BICD2: variants seen among roughly 807,000 people sequenced by gnomAD.
BICD2 encodes BICD cargo adaptor 2.
A neutral mutation model predicts 72.9 loss-of-function variants in BICD2; 25 were observed. That is an observed-to-expected ratio of 0.34 (90% CI 0.25 to 0.48). The LOEUF (loss-of-function observed/expected upper bound fraction) is 0.48, where lower values mean the gene tolerates loss of function less well. BICD2 is among the 20% of genes least tolerant of loss of function. The pLI, the probability that BICD2 is intolerant of heterozygous loss-of-function variation, is 0.99. For synonymous variants in BICD2, 501 were observed against 516.1 expected, an observed-to-expected ratio of 0.97 and a Z score of 0.40; for missense variants, 894 against 1,175.2, an observed-to-expected ratio of 0.76 and a Z score of 3.50.
At chr9:92,735,155 A>C (rs1258523426) in intron 1 of BICD2, among the ~76,000 whole-genome samples, 5 of 152,198 alleles carry the variant, frequency 3.3e-5, no homozygotes, top group Admixed American at 2.6e-4. Context: ...ACCACCAGCC[A>C]GGCGCCTTGG....
chr9:92,762,181 C>T (rs150027412), intron 1 of BICD2, among the ~76,000 whole-genome samples: 31 of 152,056 alleles, frequency 2.0e-4, no homozygotes, highest in African/African-American at 7.2e-4. Context: ...GGCGGTACAC[C>T]GCTCTACAGG....
intron 1 of BICD2, among the ~76,000 whole-genome samples, chr9:92,740,464 TAAAC>T (rs1853877762): frequency 6.7e-6 from 1 of 149,534 alleles, no homozygotes; most frequent in African/African-American, 2.5e-5. Flanking sequence ...GGAAATCAAA[TAAAC>T]AAAAAATAGA....
rs1853492280 is a variant in BICD2, at chr9:92,722,837, G to C, written c.454-29C>G. 3 of 1,613,482 alleles carry C rather than the reference G, an allele frequency of 1.9e-6. No individual in the cohort carries two copies. In the African/African-American group the frequency reaches 4.0e-5, roughly 22 times the overall value. ...TTGGGGGAGAGGGAAAGGCAGGTAT[G>C]AGCAGCCTCCACAGGGCACGAGAGG... On this transcript the variant is annotated intron_variant, in intron 2 of 6. Transcript: ENST00000356884.
chr9:92,744,842 GA>G (rs375149105), intron 1 of BICD2, among the ~76,000 whole-genome samples: 25 of 142,640 alleles, frequency 1.8e-4, no homozygotes, highest in African/African-American at 5.4e-4. Flanking sequence ...CTCCGTCTCA[GA>G]AAAAAAAAAG....
chr9:92,719,560 AGGCCCGCCTTTT>A lies in BICD2; in HGVS notation c.1073_1084del (p.Glu358_Leu362delinsVal). On this transcript the variant is annotated inframe_deletion, in exon 5 of 7. Coordinates refer to ENST00000356884, the MANE Select transcript of BICD2 (RefSeq NM_001003800.2). ...CTGTGTGTCCTGCAGCGTTGCCAGC[AGGCCCGCCTTTT>A]CCCGCTCCATCTGCAAAGGCACAGG... 6.2e-7 allele frequency: 1 copy of A among 1,603,940 alleles called. No homozygotes were observed. The highest frequency in any genetic ancestry group is 8.5e-7 in the Non-Finnish European group (1 of 1,176,944).
At chr9:92,749,776 C>T (rs1290355588) in intron 1 of BICD2, among the ~76,000 whole-genome samples, 1 of 152,254 alleles carries the variant, frequency 6.6e-6, no homozygotes, top group East Asian at 1.9e-4. Flanking sequence ...GAAGCCAGTC[C>T]TGGGGCCTGG....
chr9:92,739,509 C>G (rs1853856334), intron 1 of BICD2, among the ~76,000 whole-genome samples: 2 of 152,224 alleles, frequency 1.3e-5, no homozygotes, highest in Admixed American at 1.3e-4. Flanking sequence ...CAACACTTTA[C>G]TGTTTTGAAG....
chr9:92,743,463 G>A (rs1217268598), intron 1 of BICD2, among the ~76,000 whole-genome samples: 1 of 151,396 alleles, frequency 6.6e-6, no homozygotes, highest in African/African-American at 2.4e-5. Context: ...CAAAAGTGCT[G>A]GGATTATACG....
At chr9:92,763,004 T>G (rs1854402286) in intron 1 of BICD2, among the ~76,000 whole-genome samples, 2 of 152,190 alleles carry the variant, frequency 1.3e-5, no homozygotes, top group Non-Finnish European at 2.9e-5. Flanking sequence ...TGGGGACTCT[T>G]GCAAGAGCAG....
intron 1 of BICD2, among the ~76,000 whole-genome samples, chr9:92,732,174 C>A (rs10992438): frequency 5.3e-5 from 8 of 151,966 alleles, no homozygotes; most frequent in African/African-American, 1.9e-4. Flanking sequence ...ACGAAAAGTA[C>A]AGTGGATGGG....
At chr9:92,723,436 C>G (rs1853503280) in intron 2 of BICD2, among the ~76,000 whole-genome samples, 1 of 152,250 alleles carries the variant, frequency 6.6e-6, no homozygotes, top group African/African-American at 2.4e-5. Flanking sequence ...TGAACACATT[C>G]TGCTGAGTGA....
chr9:92,739,157 G>A (rs1263540134), intron 1 of BICD2, among the ~76,000 whole-genome samples: 6 of 152,218 alleles, frequency 3.9e-5, no homozygotes, highest in East Asian at 1.9e-4. Context: ...TCATCCACTC[G>A]ACGGGCTGTG....
intron 1 of BICD2, among the ~76,000 whole-genome samples, chr9:92,762,875 A>T (rs1431110789): frequency 1.3e-5 from 2 of 152,176 alleles, no homozygotes; most frequent in Non-Finnish European, 2.9e-5. Flanking sequence ...GCCCTAACAG[A>T]TAGTGCTGCC....
intron 2 of BICD2, among the ~76,000 whole-genome samples, chr9:92,728,075 C>A (rs1853602598): frequency 6.6e-6 from 1 of 152,114 alleles, no homozygotes; most frequent in East Asian, 1.9e-4. Context: ...TTCAAGCCAG[C>A]GAGACTCTCC....
intron 1 of BICD2, among the ~76,000 whole-genome samples, chr9:92,739,735 G>T (rs1853861651): frequency 6.6e-6 from 1 of 152,176 alleles, no homozygotes; most frequent in Non-Finnish European, 1.5e-5. Context: ...CCCCAAAACT[G>T]CCACAAGCCA....
Position 92,718,696 on chromosome 9 carries a change from T to C in BICD2, c.1949A>G (p.Glu650Gly), listed in dbSNP as rs776758625. 3 of 1,614,132 alleles carry C rather than the reference T, an allele frequency of 1.9e-6. No individual in the cohort carries two copies. The Admixed American group carries it at 5.0e-5, about 27-fold the overall frequency. Residue 650 changes from glutamate (E) to glycine (G), a missense_variant, in exon 5 of 7, where the codon GAG (glutamate) becomes GGG (glycine). Physicochemically the swap from Glu to Gly is moderately conservative, Grantham distance 98 (BLOSUM62 -2). Coordinates refer to ENST00000356884, the MANE Select transcript of BICD2 (RefSeq NM_001003800.2). ...AGAGGCAATGCGCTGGCGTGACAGC[T>C]CCGTGGTGCGGTCCACGGCTGCCTG... ...HLQAAVDRTT[E>G]LSRQRIASQE...
intron 1 of BICD2, among the ~76,000 whole-genome samples, chr9:92,762,993 AT>A (rs1854402148): frequency 6.6e-6 from 1 of 152,104 alleles, no homozygotes; most frequent in Admixed American, 6.5e-5. Context: ...CCACCCTAAG[AT>A]GGGGACTCTT....
Position 92,764,814 on chromosome 9 carries a change from G to GCCA in BICD2, c.-71_-70insTGG. 9.1e-7 allele frequency: 1 copy of GCCA among 1,102,564 alleles called. No individual in the cohort carries two copies. The highest frequency in any genetic ancestry group is 5.4e-5 in the Admixed American group (1 of 18,540). 68.3% of individuals were successfully genotyped at this position (1,102,564 alleles called of 1,614,324 possible). The stretch of plus-strand genomic sequence containing the variant: ...CGGGCCCTCCTCAGCCGCCGCCGCT[G>GCCA]CCGCCGCCGCCGCCGCCCTGCCCCG... On this transcript the variant is annotated 5_prime_UTR_variant, in exon 1 of 7. Transcript: ENST00000356884. The surrounding 1 kb of genome is among the most constrained non-coding windows in gnomAD (Gnocchi z 5.5).
At position 92,761,652 on chromosome 9, in the gene BICD2, G is replaced by T. The variant is rs530314311; in HGVS notation, c.240+2853C>A. Reference sequence around the variant, plus strand: ...CAGGAGCTGCCACCTCAGCACACCTGTCCTCTTAAAGCTACAGCTAAGAAC... The same window carrying T: ...CAGGAGCTGCCACCTCAGCACACCTTTCCTCTTAAAGCTACAGCTAAGAAC... On this transcript the variant is annotated intron_variant, in intron 1 of 6. Transcript: ENST00000356884. Among the ~76,000 whole-genome samples, 6 of 152,322 alleles carry T rather than the reference G, an allele frequency of 3.9e-5. No homozygotes were observed. The East Asian group carries it at 1.2e-3, about 29-fold the overall frequency.
Sources: gnomAD v4.1 joint callset for allele counts (sites outside exome capture counted in the v4.1 genomes callset) on GRCh38, gnomAD v4.1.1 for gene constraint, Gnocchi (gnomAD v3.1) non-coding constraint, MANE v1.5 for transcripts, NCBI Gene and HGNC (gene_info 2026-07-23, HGNC 2026-07-21) for gene names.